The following ITM2B variants were observed in gnomAD, a reference collection of about 807,000 sequenced individuals.
ITM2B encodes the protein ABri/ADan amyloid peptide.
A neutral mutation model predicts 27.8 loss-of-function variants in ITM2B; 11 were observed. That is an observed-to-expected ratio of 0.40 (90% CI 0.25 to 0.66). The LOEUF (loss-of-function observed/expected upper bound fraction) is 0.66. ITM2B is among the 30% of genes least tolerant of loss of function. The pLI is 0.43. For synonymous variants in ITM2B, 114 were observed against 114.3 expected, an observed-to-expected ratio of 1.00 and a Z score of 0.02; for missense variants, 296 against 328.9, an observed-to-expected ratio of 0.90 and a Z score of 0.77.
In ITM2B at chr13:48,247,823, A is replaced by G. The variant is rs145099349; in HGVS notation, c.118-5985A>G. ...GTGCTCCTGAAAGCCAGGTCTTTCT[A>G]TATCTACTGTTGCAAGGTGGTTATA... is the stretch of plus-strand genomic sequence containing the variant. On this transcript the variant is annotated intron_variant, in intron 1 of 5. Transcript: ENST00000647800. Among the ~76,000 whole-genome samples the G allele has an allele frequency of 6.7e-4, 102 of 152,340 alleles. 2 individuals carry two copies. In the East Asian group the frequency reaches 0.019, roughly 28 times the overall value.
chr13:48,238,447 A>G (rs1951681252), intron 1 of ITM2B, among the ~76,000 whole-genome samples: 1 of 152,176 alleles, frequency 6.6e-6, no homozygotes, highest in African/African-American at 2.4e-5. Flanking sequence ...TAAACAGAAA[A>G]GTTTGAATCT....
chr13:48,248,534 T>C (rs1951736192), intron 1 of ITM2B, among the ~76,000 whole-genome samples: 1 of 152,202 alleles, frequency 6.6e-6, no homozygotes, highest in African/African-American at 2.4e-5. Context: ...CTTGGACATA[T>C]TTCCTTACAT....
At chr13:48,256,884 T>C (rs534997642) in intron 3 of ITM2B, among the ~76,000 whole-genome samples, 1 of 152,166 alleles carries the variant, frequency 6.6e-6, no homozygotes, top group African/African-American at 2.4e-5. Flanking sequence ...ACTTATGCTA[T>C]TATCTCTCAA....
At position 48,261,266 on chromosome 13, in the gene ITM2B, C is replaced by A; in HGVS notation, c.*42C>A. The A allele has an allele frequency of 7.8e-7, 1 of 1,277,862 alleles. No homozygotes were observed. Among genetic ancestry groups the A allele is most frequent in the Non-Finnish European group, 1.1e-6 (1 of 874,016 alleles). 79.2% of individuals were successfully genotyped at this position (1,277,862 alleles called of 1,614,324 possible). ...TTATTGAGGAAAATTAATATCACAG[C>A]ATAACCCCACCCTTTACATTTTGTG... On this transcript the variant is annotated 3_prime_UTR_variant, in exon 6 of 6. Transcript: ENST00000647800.
intron 1 of ITM2B, among the ~76,000 whole-genome samples, chr13:48,241,625 T>G (rs1416026736): frequency 2.0e-5 from 3 of 152,214 alleles, no homozygotes; most frequent in Non-Finnish European, 4.4e-5. Context: ...GAGCTTTTGC[T>G]TTATGTAGGT....
chr13:48,249,233 A>G (rs1165077204), intron 1 of ITM2B, among the ~76,000 whole-genome samples: 1 of 152,174 alleles, frequency 6.6e-6, no homozygotes, highest in South Asian at 2.1e-4. Flanking sequence ...TTTGATAAAG[A>G]TGTGATCATA....
chr13:48,234,855 G>A (rs763771804), intron 1 of ITM2B, among the ~76,000 whole-genome samples: 21 of 152,140 alleles, frequency 1.4e-4, no homozygotes, highest in Non-Finnish European at 2.6e-4. Flanking sequence ...AACAATCTTG[G>A]TCTTTAAAGA....
chr13:48,251,401 A>G (rs1951755529), intron 1 of ITM2B, among the ~76,000 whole-genome samples: 1 of 152,108 alleles, frequency 6.6e-6, no homozygotes, highest in African/African-American at 2.4e-5. Flanking sequence ...TAGAGTTTGT[A>G]TCATATTTAT....
At position 48,265,955 on chromosome 13, in the gene ITM2B, G is replaced by A. The variant is rs893690280; in HGVS notation, c.*4731G>A. Reference sequence around the variant, plus strand: ...TTTGGTTAATAGATTTCCACCACTAGACTGCTCAATACGTTAGTAGGGCAC... The same window carrying A: ...TTTGGTTAATAGATTTCCACCACTAAACTGCTCAATACGTTAGTAGGGCAC... On this transcript the variant is annotated 3_prime_UTR_variant, in exon 6 of 6. Coordinates refer to ENST00000647800, the MANE Select transcript of ITM2B (RefSeq NM_021999.5). 16 of 152,104 alleles carry A rather than the reference G, an allele frequency of 1.1e-4. No individual in the cohort carries two copies. The highest frequency in any genetic ancestry group is 1.8e-4 in the Non-Finnish European group (12 of 68,024). The allele number at this position is 152,104 out of a possible 1,614,324, so 9.4% of individuals were successfully genotyped here. A position where few individuals can be genotyped will look rare whatever the true frequency, so the allele number is the denominator to read the frequency against.
intron 5 of ITM2B, 27 bp from the exon 6 acceptor site, chr13:48,261,112 T>A (rs1951819243): frequency 2.0e-6 from 3 of 1,525,950 alleles, no homozygotes; most frequent in Admixed American, 3.4e-5. Flanking sequence ...ATCAAAATTT[T>A]AAAAAACTTT....
chr13:48,263,328 G>C lies in ITM2B; in HGVS notation c.*2104G>C, dbSNP rs1435294881. 1 of 151,992 alleles carries C rather than the reference G, an allele frequency of 6.6e-6. No individual in the cohort carries two copies. Among genetic ancestry groups the C allele is most frequent in the East Asian group, 1.9e-4 (1 of 5,182 alleles). 9.4% of individuals were successfully genotyped at this position (151,992 alleles called of 1,614,324 possible). On this transcript the variant is annotated 3_prime_UTR_variant, in exon 6 of 6. Coordinates refer to ENST00000647800, the MANE Select transcript of ITM2B (RefSeq NM_021999.5). Reference sequence around the variant, plus strand: ...AGAGTACCCCTCTCACCTAAGCTTAGTCATGTCCCAGGAATTTTGGAACTC... The same window carrying C: ...AGAGTACCCCTCTCACCTAAGCTTACTCATGTCCCAGGAATTTTGGAACTC...
In ITM2B at chr13:48,258,214, T is replaced by C; in HGVS notation, c.542T>C (p.Leu181Pro). 6.5e-7 allele frequency: 1 copy of C among 1,549,890 alleles called. No individual in the cohort carries two copies. The highest frequency in any genetic ancestry group is 8.9e-7 in the Non-Finnish European group (1 of 1,121,696). Residue 181 changes from leucine (L) to proline (P), a missense_variant, in exon 4 of 6, where the codon CTG becomes CCG. Coordinates refer to ENST00000647800, the MANE Select transcript of ITM2B (RefSeq NM_021999.5). ...ATTGTTATGCCACCCAGAAACCTAC[T>C]GGAGTTACTTATTAACATCAAGGTA... Reference protein sequence around the residue: ...TSIVMPPRNLLELLINIKAGT... With the variant: ...TSIVMPPRNLPELLINIKAGT...
At chr13:48,233,630 G>A (rs1951649945) in intron 1 of ITM2B, among the ~76,000 whole-genome samples, 153 bp downstream of exon 1, 1 of 152,162 alleles carries the variant, frequency 6.6e-6, no homozygotes, top group South Asian at 2.1e-4. Flanking sequence ...GTTTCCTGTG[G>A]GTCCGCAGCT....
intron 2 of ITM2B, among the ~76,000 whole-genome samples, 191 bp downstream of exon 2, chr13:48,254,127 A>G (rs539250029): frequency 2.0e-5 from 3 of 152,358 alleles, no homozygotes; most frequent in Admixed American, 2.0e-4. Flanking sequence ...CCCATCACAC[A>G]CAGTCACTAA....
chr13:48,233,464 C>G lies in ITM2B; in HGVS notation c.104C>G (p.Ala35Gly). ...CTCATCATCCCCCCCGACGCCGTCG[C>G]GGTGGACTGCAAGGTCCGAGCCCGG... ...EALIIPPDAV[A>G]VDCKDPDDVV... The change falls in exon 1 of 6, where the codon GCG becomes GGG. Residue 35 changes from alanine (A) to glycine (G), a missense_variant. By Grantham distance (60) the Ala-to-Gly change is moderately conservative. Transcript: ENST00000647800. 1 of 1,531,814 alleles carries G rather than the reference C, an allele frequency of 6.5e-7. No individual in the cohort carries two copies. Among genetic ancestry groups the G allele is most frequent in the African/African-American group, 1.4e-5 (1 of 69,998 alleles). The allele number at this position is 1,531,814 out of a possible 1,614,324, so 94.9% of individuals were successfully genotyped here. A position where few individuals can be genotyped will look rare whatever the true frequency, so the allele number is the denominator to read the frequency against.
chr13:48,235,641 A>C (rs1951664065), intron 1 of ITM2B, among the ~76,000 whole-genome samples: 2 of 152,222 alleles, frequency 1.3e-5, no homozygotes, highest in Non-Finnish European at 2.9e-5. Flanking sequence ...CAGTGATTAC[A>C]TAATGTTCTC....
At chr13:48,259,254 G>A (rs1000494963) in intron 5 of ITM2B, among the ~76,000 whole-genome samples, 1 of 152,118 alleles carries the variant, frequency 6.6e-6, no homozygotes, top group African/African-American at 2.4e-5. Flanking sequence ...ATACTGAAAG[G>A]GTTTTTATTA....
chr13:48,259,010 G>T, intron 5 of ITM2B, 63 bp downstream of exon 5: 2 of 1,243,822 alleles, frequency 1.6e-6, no homozygotes, highest in Non-Finnish European at 2.3e-6. Flanking sequence ...CTAGATTTAG[G>T]TGAAGCCTAG....
At chr13:48,261,054 T>A in intron 5 of ITM2B, 85 bp from the exon 6 acceptor site, 1 of 883,554 alleles carries the variant, frequency 1.1e-6, no homozygotes, top group Non-Finnish European at 1.8e-6. Context: ...TACTTCTATA[T>A]GTCTAAATAA....
Sources: gnomAD v4.1 joint callset for allele counts (sites outside exome capture counted in the v4.1 genomes callset) on GRCh38, gnomAD v4.1.1 for gene constraint, MANE v1.5 for transcripts, NCBI Gene and HGNC (gene_info 2026-07-23, HGNC 2026-07-21) for gene names.